Variants in SULF1 observed in about 807,000 individuals in gnomAD.
The protein encoded by SULF1 is sulfatase 1, also known as extracellular sulfatase Sulf-1.
In SULF1, 46 loss-of-function variants were observed where a neutral mutation model predicts 110.5. That is an observed-to-expected ratio of 0.42 (90% CI 0.33 to 0.53). The LOEUF is 0.53. SULF1 is among the 20% of genes least tolerant of loss of function. The pLI is 0.12. For synonymous variants in SULF1, 371 were observed against 387.1 expected (o/e 0.96, Z 0.49); for missense variants, 941 against 1,094.2 (o/e 0.86, Z 1.98).
chr8:69,622,894 T>C (rs1055787574), intron 14 of SULF1, among the ~76,000 whole-genome samples: 1 of 152,132 alleles, frequency 6.6e-6, no homozygotes, highest in Non-Finnish European at 1.5e-5. Context: ...GGTTGCTCCC[T>C]GATCTGGAAA....
chr8:69,608,512 C>T (rs1388385943), intron 13 of SULF1, among the ~76,000 whole-genome samples: 2 of 152,050 alleles, frequency 1.3e-5, no homozygotes, highest in African/African-American at 2.4e-5. Flanking sequence ...ATAGTGAAAC[C>T]CCATCTCTAC....
chr8:69,543,050 AG>A (rs1813968107), intron 3 of SULF1, among the ~76,000 whole-genome samples: 1 of 152,150 alleles, frequency 6.6e-6, no homozygotes, highest in South Asian at 2.1e-4. Flanking sequence ...AACTTCTATG[AG>A]TCTGTGGTTC....
In SULF1 at chr8:69,638,839, A is replaced by G. The variant is rs1314251569; in HGVS notation, c.2532A>G (p.Arg844=). The change falls in exon 21 of 23, where the codon AGA becomes AGG. Residue 844 remains arginine, a synonymous_variant. Transcript: ENST00000402687. ...AAGGATATAAGCAGTGCAACCCAAG[A>G]CCTAAGAATCTTGATGTTGGTAAGG... ...SCQGYKQCNP[R]PKNLDVGNKD... The G allele has an allele frequency of 1.2e-6, 2 of 1,608,564 alleles. No homozygotes were observed. The highest frequency in any genetic ancestry group is 2.2e-5 in the South Asian group (2 of 89,052).
intron 1 of SULF1, among the ~76,000 whole-genome samples, chr8:69,487,310 G>T (rs953911058): frequency 1.3e-5 from 2 of 152,150 alleles, no homozygotes; most frequent in Non-Finnish European, 2.9e-5. Flanking sequence ...CCTTCCCCTT[G>T]AATAGAAATG....
At chr8:69,511,761 T>G (rs1563483213) in intron 3 of SULF1, among the ~76,000 whole-genome samples, 1 of 152,218 alleles carries the variant, frequency 6.6e-6, no homozygotes, top group Admixed American at 6.5e-5. Flanking sequence ...ACTCTTAGTG[T>G]TGTTTTTTCT....
chr8:69,560,477 A>G (rs1470595714), intron 3 of SULF1, among the ~76,000 whole-genome samples: 3 of 152,158 alleles, frequency 2.0e-5, no homozygotes, highest in East Asian at 1.9e-4. Flanking sequence ...TGCTGTTTTC[A>G]TTTTATGGCT....
chr8:69,557,480 G>A (rs1419898663), intron 3 of SULF1, among the ~76,000 whole-genome samples: 2 of 152,062 alleles, frequency 1.3e-5, no homozygotes, highest in African/African-American at 4.8e-5. Flanking sequence ...GCTTTTATGA[G>A]GCAGAGTCTC....
upstream of SULF1, among the ~76,000 whole-genome samples, chr8:69,488,172 A>C (rs1455679726): frequency 6.6e-6 from 1 of 152,238 alleles, no homozygotes; most frequent in Non-Finnish European, 1.5e-5. Flanking sequence ...CTTTGTTTCT[A>C]GGGCTGAGAC....
chr8:69,508,519 T>C (rs761919731), intron 3 of SULF1, among the ~76,000 whole-genome samples: 1 of 152,254 alleles, frequency 6.6e-6, no homozygotes, highest in Non-Finnish European at 1.5e-5. Flanking sequence ...ATTTGTTTAT[T>C]AGTAGCCTTT....
intron 3 of SULF1, among the ~76,000 whole-genome samples, chr8:69,556,749 T>A (rs925043382): frequency 4.6e-5 from 7 of 152,186 alleles, no homozygotes; most frequent in African/African-American, 1.4e-4. Flanking sequence ...AAACCCACTT[T>A]ATGTTTTTTC....
chr8:69,522,211 C>T (rs760344618), intron 3 of SULF1, among the ~76,000 whole-genome samples: 12 of 151,988 alleles, frequency 7.9e-5, no homozygotes, highest in East Asian at 5.8e-4. Context: ...CCACCACACC[C>T]GGCTACTTTT....
At chr8:69,573,212 T>C (rs981892589) in intron 5 of SULF1, among the ~76,000 whole-genome samples, 3 of 152,170 alleles carry the variant, frequency 2.0e-5, no homozygotes, top group African/African-American at 7.2e-5. Context: ...TGGTTCCTTT[T>C]GACGTGTGGA....
Position 69,503,571 on chromosome 8 carries a change from C to T in SULF1, c.-134+1603C>T, listed in dbSNP as rs898738211. On this transcript the variant is annotated intron_variant, in intron 3 of 22. Transcript: ENST00000402687. ...TTTATCTCTTGAATCAGGTTGTGAA[C>T]AATTTTCTTTGTGAAACTCTAGCCT... 5.9e-5 allele frequency among the ~76,000 whole-genome samples: 9 copies of T among 152,084 alleles called. 1 individual carries two copies. The highest frequency in any genetic ancestry group is 2.0e-4 in the Admixed American group (3 of 15,280).
intron 8 of SULF1, among the ~76,000 whole-genome samples, chr8:69,594,313 A>G (rs1807142989): frequency 1.3e-5 from 2 of 152,128 alleles, no homozygotes; most frequent in South Asian, 2.1e-4. Context: ...AGGCTCCCAA[A>G]GTGCTGGGAT....
intron 22 of SULF1, among the ~76,000 whole-genome samples, chr8:69,652,541 A>G (rs1431397033): frequency 6.6e-6 from 1 of 152,174 alleles, no homozygotes; most frequent in African/African-American, 2.4e-5. Flanking sequence ...TTTTTCTTCT[A>G]TGGAAACTGT....
chr8:69,558,808 AGTTT>A (rs1815287755), intron 3 of SULF1, among the ~76,000 whole-genome samples: 1 of 152,294 alleles, frequency 6.6e-6, no homozygotes, highest in South Asian at 2.1e-4. Context: ...TTGCCCCAAC[AGTTT>A]TTATGTGGAT....
upstream of SULF1, among the ~76,000 whole-genome samples, chr8:69,492,293 T>G (rs1341530901): frequency 6.6e-6 from 1 of 151,490 alleles, no homozygotes; most frequent in Non-Finnish European, 1.5e-5. Context: ...CTGGTTCCGT[T>G]TATTGCTCCC....
At chr8:69,515,718 T>C (rs1381110633) in intron 3 of SULF1, among the ~76,000 whole-genome samples, 1 of 152,256 alleles carries the variant, frequency 6.6e-6, no homozygotes, top group Non-Finnish European at 1.5e-5. Context: ...TCTTCGTTTA[T>C]GCAAATGAAT....
chr8:69,510,887 G>A (rs1413571580), intron 3 of SULF1, among the ~76,000 whole-genome samples: 1 of 151,514 alleles, frequency 6.6e-6, no homozygotes, highest in Non-Finnish European at 1.5e-5. Flanking sequence ...AAAGTGCTGG[G>A]ATTACAGGCG....
Sources: allele counts gnomAD v4.1 joint callset (sites outside exome capture counted in the v4.1 genomes callset), GRCh38; gene constraint gnomAD v4.1.1; transcripts MANE v1.5; gene names NCBI Gene and HGNC (gene_info 2026-07-23, HGNC 2026-07-21).